The following TNFSF4 variants were observed in gnomAD, a reference collection of about 807,000 sequenced individuals.
The protein encoded by TNFSF4 is TNF superfamily member 4, also known as tumor necrosis factor ligand superfamily member 4.
Under a neutral mutation model 7.3 loss-of-function variants are expected in TNFSF4, and 4 were observed. The ratio of observed to expected loss-of-function variants is 0.55; its 90% CI spans 0.27 to 1.25. The LOEUF (loss-of-function observed/expected upper bound fraction) is 1.25. Ranked by LOEUF, TNFSF4 falls within the 50% of genes most tolerant of loss-of-function variation. The pLI is 0.12. For missense variants in TNFSF4, 181 were observed against 208.8 expected (o/e 0.87, Z 0.82); for synonymous variants, 76 against 83.7 (o/e 0.91, Z 0.50).
chr1:173,438,255 C>T, the TNFSF4 span, among the ~76,000 whole-genome samples: 1 of 152,012 alleles, frequency 6.6e-6, no homozygotes, highest in Admixed American at 6.6e-5. Flanking sequence ...TAAATAAATA[C>T]ATTTTATAAA....
the TNFSF4 span, among the ~76,000 whole-genome samples, chr1:173,367,795 T>TA: frequency 6.6e-6 from 1 of 152,106 alleles, no homozygotes; most frequent in Admixed American, 6.6e-5. Flanking sequence ...CCCAATGGAA[T>TA]AAAACCCTAA....
the TNFSF4 span, among the ~76,000 whole-genome samples, chr1:173,413,266 G>A: frequency 2.6e-5 from 4 of 152,180 alleles, no homozygotes; most frequent in Non-Finnish European, 4.4e-5. Flanking sequence ...GTAACCAGCC[G>A]TCGGCTTTCC....
chr1:173,300,128 TAGATAGATAGATAATA>T, the TNFSF4 span, among the ~76,000 whole-genome samples: 3 of 147,714 alleles, frequency 2.0e-5, no homozygotes, highest in East Asian at 2.0e-4. Context: ...GATAGATAGA[TAGATAGATAGATAATA>T]AATAGATGAT....
chr1:173,437,348 C>T, the TNFSF4 span, among the ~76,000 whole-genome samples: 3 of 152,250 alleles, frequency 2.0e-5, no homozygotes, highest in Admixed American at 6.5e-5. Flanking sequence ...TTTTTAAGTA[C>T]TTTAACTTTG....
rs370947639 is a variant in TNFSF4 at position 173,191,830 on chromosome 1, A to G, written c.154-3261T>C. Among the ~76,000 whole-genome samples, 8 of 152,364 alleles carry G rather than the reference A, an allele frequency of 5.3e-5. No individual in the cohort carries two copies. In the East Asian group the frequency reaches 1.5e-3, roughly 29 times the overall value. ...CAGAAGATGAACACCAAGTTTAGAT[A>G]GGATAACTTAAAGCATCCAGCAGTT... is the stretch of plus-strand genomic sequence containing the variant. On this transcript the variant is annotated intron_variant, in intron 1 of 2. Transcript: ENST00000281834.
the TNFSF4 span, among the ~76,000 whole-genome samples, chr1:173,413,997 A>G: frequency 3.3e-5 from 5 of 152,060 alleles, no homozygotes. Context: ...CACCCTACAA[A>G]TCACATGACA....
At chr1:173,380,592 ATG>A in the TNFSF4 span, among the ~76,000 whole-genome samples, 1 of 152,104 alleles carries the variant, frequency 6.6e-6, no homozygotes, top group African/African-American at 2.4e-5. Flanking sequence ...TACTACCTGC[ATG>A]ACCATTCACC....
chr1:173,406,431 A>G, the TNFSF4 span, among the ~76,000 whole-genome samples: 1 of 152,150 alleles, frequency 6.6e-6, no homozygotes, highest in Non-Finnish European at 1.5e-5. Context: ...CAGGAACTCT[A>G]CAGGGAATTT....
chr1:173,313,766 C>A, the TNFSF4 span, among the ~76,000 whole-genome samples: 1 of 152,010 alleles, frequency 6.6e-6, no homozygotes, highest in Non-Finnish European at 1.5e-5. Flanking sequence ...ATTACACACA[C>A]TTTTATAAAA....
At chr1:173,187,422 C>A (rs1273902029) in intron 2 of TNFSF4, among the ~76,000 whole-genome samples, 2 of 152,220 alleles carry the variant, frequency 1.3e-5, no homozygotes, top group Non-Finnish European at 2.9e-5. Flanking sequence ...TCAACTCTTG[C>A]CTTTCTGTCA....
the TNFSF4 span, among the ~76,000 whole-genome samples, chr1:173,324,028 C>T: frequency 6.6e-6 from 1 of 152,170 alleles, no homozygotes; most frequent in Admixed American, 6.5e-5. Flanking sequence ...AAAGATACTC[C>T]TCGAGAAGAG....
the TNFSF4 span, among the ~76,000 whole-genome samples, chr1:173,281,235 G>C: frequency 2.0e-5 from 3 of 152,164 alleles, no homozygotes; most frequent in Admixed American, 1.3e-4. Context: ...AAAAAAAAAG[G>C]AATATTTTTG....
the TNFSF4 span, among the ~76,000 whole-genome samples, chr1:173,279,660 A>G: frequency 6.6e-6 from 1 of 152,116 alleles, no homozygotes; most frequent in African/African-American, 2.4e-5. Flanking sequence ...GAAACTTGGC[A>G]ATCATCGTAA....
At chr1:173,389,585 G>C in the TNFSF4 span, among the ~76,000 whole-genome samples, 1 of 152,236 alleles carries the variant, frequency 6.6e-6, no homozygotes, top group South Asian at 2.1e-4. Context: ...GCACGGATCA[G>C]AACAGAAATG....
intron 1 of TNFSF4, among the ~76,000 whole-genome samples, chr1:173,206,606 G>T (rs1333962240): frequency 6.6e-6 from 1 of 152,134 alleles, no homozygotes; most frequent in African/African-American, 2.4e-5. Context: ...GGTCTATAGG[G>T]TATATGAATA....
the TNFSF4 span, among the ~76,000 whole-genome samples, chr1:173,244,802 T>C: frequency 2.0e-5 from 3 of 152,168 alleles, no homozygotes; most frequent in African/African-American, 4.8e-5. Context: ...TAGCTTAGCA[T>C]AATCTGAATA....
the TNFSF4 span, among the ~76,000 whole-genome samples, chr1:173,432,302 C>T: frequency 4.6e-5 from 7 of 152,156 alleles, no homozygotes; most frequent in African/African-American, 1.2e-4. Context: ...GAATTGTGTA[C>T]CTCCACCCTT....
chr1:173,242,646 C>T, the TNFSF4 span, among the ~76,000 whole-genome samples: 5 of 151,922 alleles, frequency 3.3e-5, no homozygotes, highest in African/African-American at 7.3e-5. Context: ...CACGTGAGTC[C>T]CTAAAAGCAG....
Position 173,198,555 on chromosome 1 carries a change from C to G in TNFSF4, c.153+8469G>C, listed in dbSNP as rs1480764662. Among the ~76,000 whole-genome samples the G allele has an allele frequency of 2.0e-5, 3 of 152,056 alleles. No individual in the cohort carries two copies. The East Asian group carries it at 5.8e-4, about 29-fold the overall frequency. On this transcript the variant is annotated intron_variant, in intron 1 of 2. Coordinates refer to ENST00000281834, the MANE Select transcript of TNFSF4 (RefSeq NM_003326.5). Reference sequence around the variant, plus strand: ...AATGGCGTGAACGCAGGAGGCGGAGCTTGCAGTGAGCCGAGATCGTGCCAC... The same window carrying G: ...AATGGCGTGAACGCAGGAGGCGGAGGTTGCAGTGAGCCGAGATCGTGCCAC...
Sources: gnomAD v4.1 joint callset for allele counts (sites outside exome capture counted in the v4.1 genomes callset) on GRCh38, gnomAD v4.1.1 for gene constraint, MANE v1.5 for transcripts, NCBI Gene and HGNC (gene_info 2026-07-23, HGNC 2026-07-21) for gene names.